Variants in SLC30A8 observed in about 807,000 individuals in gnomAD.
The protein encoded by SLC30A8 is solute carrier family 30 member 8, also known as proton-coupled zinc antiporter SLC30A8.
Under a neutral mutation model 36.9 loss-of-function variants are expected in SLC30A8, and 27 were observed. The observed-to-expected ratio is 0.73, with a 90% CI of 0.54 to 1.01. The LOEUF (loss-of-function observed/expected upper bound fraction) is 1.01, where lower values mean the gene tolerates loss of function less well. Among genes scored for constraint, SLC30A8 ranks in the 50% least tolerant of loss-of-function variants. The pLI is 0.00. For missense variants in SLC30A8, 439 were observed against 452.0 expected, an observed-to-expected ratio of 0.97 and a Z score of 0.26; for synonymous variants, 164 against 172.4, an observed-to-expected ratio of 0.95 and a Z score of 0.38.
intron 1 of SLC30A8, among the ~76,000 whole-genome samples, chr8:116,993,734 A>C (rs1325557714): frequency 6.6e-6 from 1 of 152,026 alleles, no homozygotes; most frequent in Admixed American, 6.6e-5. Flanking sequence ...AAAGCTTAAA[A>C]ACTTACTGGA....
intron 1 of SLC30A8, among the ~76,000 whole-genome samples, chr8:116,997,048 A>T (rs1815845450): frequency 6.6e-6 from 1 of 152,086 alleles, no homozygotes; most frequent in African/African-American, 2.4e-5. Context: ...AGTTTAGCAA[A>T]GACAATATGT....
chr8:116,984,671 A>G (rs1419401511), intron 1 of SLC30A8, among the ~76,000 whole-genome samples: 1 of 151,752 alleles, frequency 6.6e-6, no homozygotes, highest in African/African-American at 2.4e-5. Context: ...TTCTCTTTGC[A>G]TTTCAATGGC....
intron 2 of SLC30A8, among the ~76,000 whole-genome samples, chr8:117,098,436 C>A (rs539277816): frequency 6.6e-6 from 1 of 152,250 alleles, no homozygotes; most frequent in South Asian, 2.1e-4. Flanking sequence ...CTACTTTAAC[C>A]TTTGTCTTCA....
intron 2 of SLC30A8, among the ~76,000 whole-genome samples, chr8:117,097,289 C>G (rs534590072): frequency 8.3e-4 from 121 of 145,028 alleles, no homozygotes; most frequent in African/African-American, 2.8e-3. Context: ...GTCCCAGCTA[C>G]TCGGGAGGCT....
chr8:117,016,061 C>T (rs1272464295), intron 1 of SLC30A8, among the ~76,000 whole-genome samples: 1 of 152,090 alleles, frequency 6.6e-6, no homozygotes, highest in African/African-American at 2.4e-5. Flanking sequence ...GGGGATAATA[C>T]CGGGCATAAG....
chr8:117,171,868 G>C (rs1356039628), intron 7 of SLC30A8, among the ~76,000 whole-genome samples: 2 of 152,084 alleles, frequency 1.3e-5, no homozygotes, highest in Admixed American at 6.6e-5. Context: ...TTAGGGGCAG[G>C]GGACAGGAAC....
intron 1 of SLC30A8, among the ~76,000 whole-genome samples, chr8:116,971,351 G>C (rs920432194): frequency 1.3e-5 from 2 of 151,818 alleles, no homozygotes; most frequent in Non-Finnish European, 1.5e-5. Flanking sequence ...AGCTGTGGTG[G>C]GGAAATGGTG....
chr8:117,157,646 TG>T, intron 3 of SLC30A8, 44 bp from the exon 4 acceptor site: 2 of 1,608,218 alleles, frequency 1.2e-6, no homozygotes, highest in Non-Finnish European at 1.7e-6. Context: ...GTGTAGGTGA[TG>T]GAGTTATCTG....
chr8:116,989,251 T>C (rs1815549399), intron 1 of SLC30A8, among the ~76,000 whole-genome samples: 1 of 152,202 alleles, frequency 6.6e-6, no homozygotes, highest in African/African-American at 2.4e-5. Flanking sequence ...GGTGGTGTTT[T>C]TCAATACTGG....
intron 1 of SLC30A8, among the ~76,000 whole-genome samples, chr8:117,138,363 A>ATT (rs1332620960): frequency 6.6e-6 from 1 of 152,010 alleles, no homozygotes; most frequent in Non-Finnish European, 1.5e-5. Flanking sequence ...GAAAATCTAA[A>ATT]TCTCAGTAAG....
chr8:117,077,210 C>T (rs1818517082), intron 2 of SLC30A8, among the ~76,000 whole-genome samples: 1 of 152,130 alleles, frequency 6.6e-6, no homozygotes, highest in African/African-American at 2.4e-5. Context: ...AAGGTGATGC[C>T]TCAGAATCCC....
chr8:117,113,338 T>A (rs1396095078), intron 2 of SLC30A8, among the ~76,000 whole-genome samples: 1 of 152,164 alleles, frequency 6.6e-6, no homozygotes, highest in African/African-American at 2.4e-5. Flanking sequence ...TGTAATGGAA[T>A]GGAAGCAAGT....
At chr8:117,166,433 C>G (rs568267947) in intron 6 of SLC30A8, among the ~76,000 whole-genome samples, 1 of 152,216 alleles carries the variant, frequency 6.6e-6, no homozygotes, top group South Asian at 2.1e-4. Flanking sequence ...GCCTAAAACC[C>G]TTATTAGACT....
chr8:117,171,653 T>C (rs2466297), intron 7 of SLC30A8, among the ~76,000 whole-genome samples: 104,076 of 152,070 alleles, frequency 0.68, 39,029 homozygotes, highest in East Asian at 0.82. Flanking sequence ...GGTCCCACAC[T>C]GTATGATTAG....
At position 117,161,720 on chromosome 8, in the gene SLC30A8, C is replaced by T; in HGVS notation, c.573-18C>T. 4 of 1,609,310 alleles carry T rather than the reference C, an allele frequency of 2.5e-6. No homozygotes were observed. Among genetic ancestry groups the T allele is most frequent in the Non-Finnish European group, 3.4e-6 (4 of 1,176,706 alleles). ...AGACTGACCTCATGTGTGCTAAGAA[C>T]ATTGTTCTCTCTTTCAGACTAACTG... On this transcript the variant is annotated intron_variant, in intron 4 of 7. Transcript: ENST00000456015.
At chr8:117,074,861 G>T (rs1169724025) in intron 2 of SLC30A8, among the ~76,000 whole-genome samples, 1 of 151,854 alleles carries the variant, frequency 6.6e-6, no homozygotes, top group Non-Finnish European at 1.5e-5. Flanking sequence ...GCTTGATTCT[G>T]TTTTTTTCTC....
chr8:117,042,379 G>A (rs1424556521), intron 2 of SLC30A8, among the ~76,000 whole-genome samples: 1 of 152,190 alleles, frequency 6.6e-6, no homozygotes, highest in Non-Finnish European at 1.5e-5. Context: ...TCGTCTGGTT[G>A]AATGCTCAGG....
At chr8:117,028,136 AGAGG>A (rs548836418) in intron 1 of SLC30A8, among the ~76,000 whole-genome samples, 3 of 152,196 alleles carry the variant, frequency 2.0e-5, no homozygotes, top group Non-Finnish European at 4.4e-5. Flanking sequence ...GTGGAGAAAG[AGAGG>A]AAGAAGGCTG....
intron 2 of SLC30A8, among the ~76,000 whole-genome samples, chr8:117,047,662 C>A (rs1367012999): frequency 6.6e-6 from 1 of 152,038 alleles, no homozygotes; most frequent in African/African-American, 2.4e-5. Flanking sequence ...CTTTAGGGGT[C>A]ATTTCGTCAG....
Sources: allele counts gnomAD v4.1 joint callset (sites outside exome capture counted in the v4.1 genomes callset), GRCh38; gene constraint gnomAD v4.1.1; transcripts MANE v1.5; gene names NCBI Gene and HGNC (gene_info 2026-07-23, HGNC 2026-07-21).